The following PCDH11Y variants were observed in gnomAD, a reference collection of about 807,000 sequenced individuals.
The protein encoded by PCDH11Y is protocadherin 11 Y-linked.
For synonymous variants in PCDH11Y, 9 were observed against 83.6 expected, an observed-to-expected ratio of 0.11 and a Z score of 4.87; for missense variants, 12 against 224.8, an observed-to-expected ratio of 0.05 and a Z score of 6.05.
chrY:5,174,100 G>GTA (rs2052889896), intron 2 of PCDH11Y, among the ~76,000 whole-genome samples: 4 of 15,015 alleles, frequency 2.7e-4, no homozygotes, highest in South Asian at 3.4e-3. Flanking sequence ...TATCAATGTG[G>GTA]TATATATATA....
rs2124679968 is a variant in PCDH11Y at position 5,425,833 on chromosome Y, T to C, written c.3130-75224T>C. 3.3e-4 allele frequency among the ~76,000 whole-genome samples: 11 copies of C among 33,192 alleles called. No individual in the cohort carries two copies. The East Asian group carries it at 8.8e-3, about 27-fold the overall frequency. 89.1% of individuals were successfully genotyped at this position (33,192 alleles called of 37,273 possible). On this transcript the variant is annotated intron_variant, in intron 2 of 4. Transcript: ENST00000400457. ...AATGAAAAGCCACCACATTTGGCAA[T>C]TGAAAGTTAATTCTCAAAGAATGAA...
chrY:5,045,706 T>C, intron 3 of PCDH11Y, among the ~76,000 whole-genome samples: 1 of 33,254 alleles, frequency 3.0e-5, no homozygotes, highest in Non-Finnish European at 7.4e-5. Context: ...CTGCAGAGTG[T>C]TTTCCAACTT....
chrY:5,323,187 CTTTTTTTTT>C (rs1367712513), intron 2 of PCDH11Y, among the ~76,000 whole-genome samples: 37 of 13,604 alleles, frequency 2.7e-3, no homozygotes, highest in South Asian at 1.8e-3. Context: ...TCCAAATGCT[CTTTTTTTTT>C]TTTTTTTTTT....
chrY:5,739,376 A>C, exon 5 of PCDH11Y: 1 of 31,675 alleles, frequency 3.2e-5, no homozygotes, highest in African/African-American at 1.2e-4. Context: ...TTATAAATGT[A>C]CAGAAACATC....
At chrY:5,664,122 A>T in intron 4 of PCDH11Y, among the ~76,000 whole-genome samples, 1 of 33,250 alleles carries the variant, frequency 3.0e-5, no homozygotes, top group Admixed American at 2.8e-4. Context: ...ACTACAATTG[A>T]TATATCCAGA....
chrY:5,447,121 A>G (rs2053288372), intron 2 of PCDH11Y, among the ~76,000 whole-genome samples: 1 of 33,551 alleles, frequency 3.0e-5, no homozygotes. Context: ...GGGTTACCAA[A>G]TAGGAAATAT....
intron 2 of PCDH11Y, among the ~76,000 whole-genome samples, chrY:5,259,171 A>G: frequency 3.0e-5 from 1 of 33,161 alleles, no homozygotes; most frequent in Non-Finnish European, 7.5e-5. Context: ...GTAAATTTTC[A>G]GTCTGTGTGT....
chrY:5,677,819 G>A (rs2053554812), intron 4 of PCDH11Y, among the ~76,000 whole-genome samples: 3 of 32,540 alleles, frequency 9.2e-5, no homozygotes, highest in Non-Finnish European at 2.3e-4. Context: ...TCTTTGTAAA[G>A]TATCATAAAT....
At chrY:5,262,662 A>C in intron 2 of PCDH11Y, among the ~76,000 whole-genome samples, 1 of 31,008 alleles carries the variant, frequency 3.2e-5, no homozygotes, top group Non-Finnish European at 7.7e-5. Context: ...AGGAGAGCAT[A>C]AAAGTTCAGA....
intron 2 of PCDH11Y, among the ~76,000 whole-genome samples, chrY:5,375,643 A>G: frequency 3.0e-5 from 1 of 32,920 alleles, no homozygotes; most frequent in South Asian, 6.7e-4. Context: ...ATCCATGAAC[A>G]TAGTATATAT....
chrY:5,539,543 T>A (rs1306289260), intron 3 of PCDH11Y, among the ~76,000 whole-genome samples: 62 of 33,113 alleles, frequency 1.9e-3, no homozygotes, highest in Middle Eastern at 0.014. Context: ...CCTGCATTAT[T>A]TTTGGACTAC....
intron 2 of PCDH11Y, among the ~76,000 whole-genome samples, chrY:5,256,234 G>C (rs2053010879): frequency 1.0e-3 from 34 of 32,938 alleles, no homozygotes; most frequent in African/African-American, 3.8e-3. Flanking sequence ...GTGAGAGACA[G>C]GGATCTAGTT....
chrY:5,443,851 C>G, intron 2 of PCDH11Y, among the ~76,000 whole-genome samples: 1 of 32,659 alleles, frequency 3.1e-5, no homozygotes, highest in Non-Finnish European at 7.6e-5. Flanking sequence ...GTGAAATAAG[C>G]CAGGCACAGA....
At chrY:5,519,868 T>C (rs2124690067) in intron 3 of PCDH11Y, among the ~76,000 whole-genome samples, 4 of 24,086 alleles carry the variant, frequency 1.7e-4, no homozygotes, top group Admixed American at 1.6e-3. Flanking sequence ...TCTAATATTT[T>C]CAAAGATTAC....
intron 3 of PCDH11Y, among the ~76,000 whole-genome samples, chrY:5,578,148 T>A: frequency 3.0e-5 from 1 of 33,500 alleles, no homozygotes; most frequent in Non-Finnish European, 7.4e-5. Context: ...AGCTTCATTA[T>A]TTTTGTAGTT....
At chrY:5,581,895 C>G in intron 4 of PCDH11Y, 97 bp downstream of exon 5, 1 of 259,736 alleles carries the variant, frequency 3.9e-6, no homozygotes, top group South Asian at 6.8e-5. Context: ...CTTTTTGCTA[C>G]TCATAAAACA....
At chrY:5,416,801 G>A in intron 2 of PCDH11Y, among the ~76,000 whole-genome samples, 1 of 32,988 alleles carries the variant, frequency 3.0e-5, no homozygotes, top group African/African-American at 1.2e-4. Context: ...TGTCATGCTG[G>A]AAGTCAGTTT....
chrY:5,140,608 T>A, intron 2 of PCDH11Y, among the ~76,000 whole-genome samples: 1 of 32,553 alleles, frequency 3.1e-5, no homozygotes, highest in Admixed American at 2.8e-4. Context: ...CACATCTTGA[T>A]AATGATACAT....
chrY:5,593,925 C>T, intron 4 of PCDH11Y, among the ~76,000 whole-genome samples: 2 of 33,247 alleles, frequency 6.0e-5, no homozygotes, highest in Admixed American at 5.4e-4. Flanking sequence ...CTGATCACTA[C>T]ACTTTGATGG....
Sources: gnomAD v4.1 joint callset for allele counts (sites outside exome capture counted in the v4.1 genomes callset) on GRCh38, gnomAD v4.1.1 for gene constraint, MANE v1.5 for transcripts, NCBI Gene and HGNC (gene_info 2026-07-23, HGNC 2026-07-21) for gene names.